Variants in GALNT14 observed in about 807,000 individuals in gnomAD.
GALNT14 encodes polypeptide N-acetylgalactosaminyltransferase 14, also known as UDP-GalNAc:polypeptide N-acetylgalactosaminyltransferase 14.
GALNT14 carries 60 observed loss-of-function variants against 77.5 expected under a neutral mutation model. That is an observed-to-expected ratio of 0.77 (90% confidence interval 0.63 to 0.96). The LOEUF (loss-of-function observed/expected upper bound fraction) is 0.96. Ranked by LOEUF, GALNT14 falls within the 40% of genes least tolerant of loss-of-function variation. GALNT14 has a pLI of 0.00. For synonymous variants in GALNT14, 280 were observed against 281.7 expected, an observed-to-expected ratio of 0.99 and a Z score of 0.06; for missense variants, 710 against 731.0, an observed-to-expected ratio of 0.97 and a Z score of 0.33.
Position 30,992,893 on chromosome 2 carries a change from G to A in GALNT14, c.244C>T (p.Arg82Trp), listed in dbSNP as rs201652044. The change falls in exon 2 of 15, where the codon CGG becomes TGG. Residue 82 changes from arginine (R) to tryptophan (W), a missense_variant. By Grantham distance (101) the Arg-to-Trp change is moderately radical. Transcript: ENST00000349752. ...TTGCTGGAGATCCGCTCACTCTCCC[G>A]CTGGTTGAAAGCATACAGCTTATAG... The part of the protein sequence containing the change: ...DPYKLYAFNQ[R>W]ESERISSNRA... The A allele has an allele frequency of 2.4e-4, 385 of 1,614,086 alleles. 2 individuals are homozygous for A. The East Asian group carries it at 8.1e-3, about 34-fold the overall frequency.
intron 1 of GALNT14, among the ~76,000 whole-genome samples, chr2:31,003,737 T>G (rs915096368): frequency 1.3e-5 from 2 of 152,164 alleles, no homozygotes; most frequent in Non-Finnish European, 2.9e-5. Flanking sequence ...GCCTAAAAAT[T>G]CCAACAGTGA....
chr2:30,997,571 C>T (rs959474523), intron 1 of GALNT14, among the ~76,000 whole-genome samples: 1 of 152,178 alleles, frequency 6.6e-6, no homozygotes, highest in African/African-American at 2.4e-5. Flanking sequence ...TCATCAGCAC[C>T]CATGGCCCCC....
At chr2:30,947,325 C>G (rs1666758137) in intron 6 of GALNT14, among the ~76,000 whole-genome samples, 1 of 152,232 alleles carries the variant, frequency 6.6e-6, no homozygotes, top group African/African-American at 2.4e-5. Flanking sequence ...CCATCAAGAA[C>G]AGGCCTATCT....
chr2:30,971,121 G>C (rs975636858), intron 2 of GALNT14, among the ~76,000 whole-genome samples: 2 of 152,126 alleles, frequency 1.3e-5, no homozygotes, highest in African/African-American at 4.8e-5. Flanking sequence ...ACAAGGTTGA[G>C]AGTCTGAGAA....
rs1194606351 is a variant in GALNT14, at chr2:30,942,221, A to G, written c.911T>C (p.Ile304Thr). The change falls in exon 9 of 15, where the codon ATC becomes ACC. Residue 304 changes from isoleucine to threonine, a missense_variant. Coordinates refer to ENST00000349752, the MANE Select transcript of GALNT14 (RefSeq NM_024572.4). The part of the protein sequence containing the change: ...YLGKYDMDMD[I>T]WGGENFEISF... ...CTCACCAAAGTTCTCCCCACCCCAG[A>G]TGTCCATGTCCATATCATATTTCCC... The G allele has an allele frequency of 6.2e-7, 1 of 1,613,698 alleles. No homozygotes were observed. Among genetic ancestry groups the G allele is most frequent in the Non-Finnish European group, 8.5e-7 (1 of 1,179,746 alleles).
intron 1 of GALNT14, among the ~76,000 whole-genome samples, chr2:31,079,331 A>G (rs926727388): frequency 7.9e-5 from 12 of 152,140 alleles, no homozygotes; most frequent in African/African-American, 2.9e-4. Flanking sequence ...CCTGTTTGGA[A>G]GATGCACCTG....
chr2:31,034,047 G>A (rs746874968), intron 1 of GALNT14, among the ~76,000 whole-genome samples: 8 of 152,110 alleles, frequency 5.3e-5, no homozygotes, highest in Non-Finnish European at 8.8e-5. Context: ...CATAGTTGAG[G>A]GGACACAAGG....
chr2:31,112,572 C>T (rs1348477870), intron 1 of GALNT14, among the ~76,000 whole-genome samples: 13 of 152,188 alleles, frequency 8.5e-5, no homozygotes, highest in Admixed American at 8.5e-4. Flanking sequence ...AGAAAAAGGC[C>T]AACATCCATG....
the GALNT14 span, among the ~76,000 whole-genome samples, chr2:30,903,187 T>C: frequency 7.3e-4 from 111 of 152,296 alleles, no homozygotes; most frequent in Middle Eastern, 6.8e-3. Context: ...CAGTCTGCGG[T>C]AATGGATTTT....
At chr2:31,057,078 T>C (rs1039351502) in intron 1 of GALNT14, among the ~76,000 whole-genome samples, 3 of 151,812 alleles carry the variant, frequency 2.0e-5, no homozygotes, top group African/African-American at 7.3e-5. Flanking sequence ...AGCTAAACAC[T>C]GGGTACTCAT....
At chr2:31,088,113 T>C (rs563047087) in intron 1 of GALNT14, among the ~76,000 whole-genome samples, 1 of 152,236 alleles carries the variant, frequency 6.6e-6, no homozygotes, top group South Asian at 2.1e-4. Flanking sequence ...GGTATTCTGT[T>C]ATAGCAGCCC....
chr2:31,012,375 T>C (rs1410746536), intron 1 of GALNT14, among the ~76,000 whole-genome samples: 1 of 152,194 alleles, frequency 6.6e-6, no homozygotes, highest in Non-Finnish European at 1.5e-5. Flanking sequence ...CCTCTTCTTA[T>C]GGCAGCACCT....
At chr2:31,125,293 CT>C (rs1478696056) in intron 1 of GALNT14, 21 of 1,410,856 alleles carry the variant, frequency 1.5e-5, no homozygotes, top group Non-Finnish European at 2.1e-5. Context: ...ATGGTCATTT[CT>C]TTGGCAATTA....
Position 31,110,807 on chromosome 2 carries a change from C to T in GALNT14, c.129+27151G>A, listed in dbSNP as rs192237070. ...AGTGGGAGAAACTGACTCTGTGACACGTATTATCAACTCTCACACAGGCAC... is the reference window on the plus strand; with the variant it reads ...AGTGGGAGAAACTGACTCTGTGACATGTATTATCAACTCTCACACAGGCAC... On this transcript the variant is annotated intron_variant, in intron 1 of 14. Coordinates refer to ENST00000349752, the MANE Select transcript of GALNT14 (RefSeq NM_024572.4). Among the ~76,000 whole-genome samples, 214 of 152,180 alleles carry T rather than the reference C, an allele frequency of 1.4e-3. No individual in the cohort carries two copies. In the Middle Eastern group the frequency reaches 0.02, roughly 15 times the overall value.
chr2:31,124,130 T>C (rs186461851), intron 1 of GALNT14, among the ~76,000 whole-genome samples: 13 of 152,282 alleles, frequency 8.5e-5, no homozygotes, highest in Admixed American at 4.6e-4. Flanking sequence ...TCCAGTGACC[T>C]GGGGCAGGTG....
chr2:30,999,550 A>G (rs1670233770), intron 1 of GALNT14, among the ~76,000 whole-genome samples: 2 of 152,358 alleles, frequency 1.3e-5, no homozygotes, highest in South Asian at 4.1e-4. Flanking sequence ...CTGAAGTCAG[A>G]TGGGTTCATC....
intron 1 of GALNT14, among the ~76,000 whole-genome samples, chr2:31,049,191 T>C (rs1366404144): frequency 6.6e-6 from 1 of 152,218 alleles, no homozygotes; most frequent in Non-Finnish European, 1.5e-5. Context: ...CCTCTGTCTG[T>C]CTTTTTTGGT....
intron 13 of GALNT14, among the ~76,000 whole-genome samples, chr2:30,915,524 G>C (rs1664622710): frequency 6.6e-6 from 1 of 152,224 alleles, no homozygotes; most frequent in Non-Finnish European, 1.5e-5. Context: ...ATACAGGTGG[G>C]AAGCAAGGAG....
chr2:31,045,842 A>G (rs1209181092), intron 1 of GALNT14, among the ~76,000 whole-genome samples: 2 of 152,178 alleles, frequency 1.3e-5, no homozygotes, highest in East Asian at 3.8e-4. Flanking sequence ...GTAAAATTTT[A>G]CAACAGGAAC....
Sources: gnomAD v4.1 joint callset for allele counts (sites outside exome capture counted in the v4.1 genomes callset) on GRCh38, gnomAD v4.1.1 for gene constraint, MANE v1.5 for transcripts, NCBI Gene and HGNC (gene_info 2026-07-23, HGNC 2026-07-21) for gene names.